Variants in CCSER1 observed in about 807,000 individuals in gnomAD.
CCSER1 encodes serine-rich coiled-coil domain-containing protein 1.
Under a neutral mutation model 82.0 loss-of-function variants are expected in CCSER1, and 41 were observed. That is an observed-to-expected ratio of 0.50 (90% CI 0.39 to 0.65). The LOEUF (loss-of-function observed/expected upper bound fraction) is 0.65. Among genes scored for constraint, CCSER1 ranks in the 30% least tolerant of loss-of-function variants. CCSER1 has a pLI of 0.00. For missense variants in CCSER1, 1,119 were observed against 1,064.2 expected (o/e 1.05, Z -0.72); for synonymous variants, 414 against 383.9 (o/e 1.08, Z -0.92).
intron 5 of CCSER1, 75 bp from the exon 6 acceptor site, chr4:90,627,935 AGGATACTAGAAACAT>A: frequency 1.1e-6 from 1 of 921,544 alleles, no homozygotes; most frequent in Non-Finnish European, 1.7e-6. Flanking sequence ...AATACTTTCT[AGGATACTAGAAACAT>A]TGATTAACAA....
intron 6 of CCSER1, among the ~76,000 whole-genome samples, chr4:90,654,841 G>A (rs963375865): frequency 6.6e-6 from 1 of 152,026 alleles, no homozygotes; most frequent in African/African-American, 2.4e-5. Context: ...AGAGATGCTG[G>A]CTATATAATA....
chr4:90,375,085 T>G (rs912001582), intron 3 of CCSER1, among the ~76,000 whole-genome samples: 3 of 152,186 alleles, frequency 2.0e-5, no homozygotes, highest in Non-Finnish European at 2.9e-5. Flanking sequence ...AAAAGGATCT[T>G]AGTTTGGCAG....
intron 6 of CCSER1, among the ~76,000 whole-genome samples, chr4:90,631,091 C>G (rs1442875769): frequency 3.3e-5 from 5 of 151,932 alleles, no homozygotes; most frequent in Non-Finnish European, 7.4e-5. Context: ...GACGGGGTTT[C>G]ACTGCGTTGG....
chr4:91,441,043 A>G (rs1755095655), intron 10 of CCSER1, among the ~76,000 whole-genome samples: 1 of 152,058 alleles, frequency 6.6e-6, no homozygotes, highest in African/African-American at 2.4e-5. Flanking sequence ...CCAGAGGTAC[A>G]AGGAGGAACT....
chr4:90,938,089 CT>C, intron 9 of CCSER1, among the ~76,000 whole-genome samples: 1 of 152,056 alleles, frequency 6.6e-6, no homozygotes, highest in Non-Finnish European at 1.5e-5. Context: ...AAAATGAAGT[CT>C]CTTTTTGTAA....
At chr4:90,933,053 G>GA (rs1730384217) in intron 9 of CCSER1, among the ~76,000 whole-genome samples, 1 of 101,478 alleles carries the variant, frequency 9.9e-6, no homozygotes, top group East Asian at 2.6e-4. Context: ...AGAGAAGGAA[G>GA]GAACGAAGGA....
chr4:90,761,769 T>G (rs1750442622), intron 7 of CCSER1, among the ~76,000 whole-genome samples: 1 of 152,114 alleles, frequency 6.6e-6, no homozygotes, highest in Non-Finnish European at 1.5e-5. Flanking sequence ...TGAATTTAAA[T>G]GGTGAATGGA....
chr4:91,506,952 A>G (rs1759527650), intron 10 of CCSER1, among the ~76,000 whole-genome samples: 2 of 152,162 alleles, frequency 1.3e-5, no homozygotes, highest in Admixed American at 1.3e-4. Flanking sequence ...TTCATATTGT[A>G]GCATGTATCA....
At chr4:91,110,182 G>GA (rs1472993752) in intron 10 of CCSER1, among the ~76,000 whole-genome samples, 1 of 151,566 alleles carries the variant, frequency 6.6e-6, no homozygotes, top group Non-Finnish European at 1.5e-5. Flanking sequence ...TTATATTCTA[G>GA]AAAAATGGAA....
chr4:90,199,234 A>G (rs942213083), intron 1 of CCSER1, among the ~76,000 whole-genome samples: 2 of 152,192 alleles, frequency 1.3e-5, no homozygotes, highest in Non-Finnish European at 2.9e-5. Flanking sequence ...CAGAATACTC[A>G]ATTAAAATAT....
intron 10 of CCSER1, among the ~76,000 whole-genome samples, chr4:91,525,478 C>A (rs1316861057): frequency 1.3e-5 from 2 of 152,068 alleles, no homozygotes; most frequent in Non-Finnish European, 2.9e-5. Context: ...TGATTATGAA[C>A]CGTATAAAGG....
intron 8 of CCSER1, among the ~76,000 whole-genome samples, chr4:90,821,921 G>A (rs1759776042): frequency 6.6e-6 from 1 of 152,078 alleles, no homozygotes; most frequent in Admixed American, 6.5e-5. Flanking sequence ...GTGAAGTGTA[G>A]TCTTGTGTTT....
chr4:90,944,158 G>T (rs986308088), intron 9 of CCSER1, among the ~76,000 whole-genome samples: 3 of 150,470 alleles, frequency 2.0e-5, no homozygotes, highest in African/African-American at 7.3e-5. Flanking sequence ...CTTGAACCCC[G>T]GAAGCGGAGG....
At chr4:91,253,848 C>G (rs1052942727) in intron 10 of CCSER1, among the ~76,000 whole-genome samples, 2 of 151,980 alleles carry the variant, frequency 1.3e-5, no homozygotes, top group Non-Finnish European at 2.9e-5. Flanking sequence ...CAAGAAGGAG[C>G]AAGAGAGGAG....
chr4:90,421,259 A>C (rs534104320), intron 4 of CCSER1, among the ~76,000 whole-genome samples: 31 of 152,146 alleles, frequency 2.0e-4, no homozygotes, highest in African/African-American at 7.5e-4. Context: ...TCTTTTATTT[A>C]TTTTCTGATA....
chr4:90,449,076 CA>C (rs926982551), intron 4 of CCSER1, among the ~76,000 whole-genome samples: 5 of 152,128 alleles, frequency 3.3e-5, no homozygotes, highest in African/African-American at 1.2e-4. Flanking sequence ...AGGGAAACCA[CA>C]GTGGATAGCT....
chr4:91,108,862 C>T (rs1460568332), intron 10 of CCSER1, among the ~76,000 whole-genome samples: 4 of 152,188 alleles, frequency 2.6e-5, no homozygotes, highest in East Asian at 1.9e-4. Context: ...GGTATGTCTG[C>T]GAGGGTGTTT....
intron 7 of CCSER1, among the ~76,000 whole-genome samples, chr4:90,741,072 C>T (rs566347006): frequency 1.2e-3 from 181 of 152,128 alleles, no homozygotes; most frequent in African/African-American, 4.0e-3. Context: ...TTGAATACTG[C>T]GGTAGAGTTC....
intron 1 of CCSER1, among the ~76,000 whole-genome samples, chr4:90,251,403 T>C (rs2153441437): frequency 6.6e-6 from 1 of 152,028 alleles, no homozygotes; most frequent in East Asian, 1.9e-4. Context: ...GGAGATGTTC[T>C]TACTAGTTTG....
Sources: gnomAD v4.1 joint callset for allele counts (sites outside exome capture counted in the v4.1 genomes callset) on GRCh38, gnomAD v4.1.1 for gene constraint, MANE v1.5 for transcripts, NCBI Gene and HGNC (gene_info 2026-07-23, HGNC 2026-07-21) for gene names.